The following MAML3 variants were observed in gnomAD, a reference collection of about 807,000 sequenced individuals.
MAML3 encodes the protein mastermind like transcriptional coactivator 3, also known as mastermind-like protein 3.
A neutral mutation model predicts 101.9 loss-of-function variants in MAML3; 27 were observed. The observed-to-expected ratio is 0.27, with a 90% CI of 0.20 to 0.37. The LOEUF is 0.37. Ranked by LOEUF, MAML3 falls within the 10% of genes least tolerant of loss-of-function variation. The probability of loss-of-function intolerance (pLI) is 1.00; values close to 1 mark genes in which losing one functional copy is unlikely to be tolerated. For synonymous variants in MAML3, 501 were observed against 555.9 expected, an observed-to-expected ratio of 0.90 and a Z score of 1.39; for missense variants, 1,316 against 1,444.9, an observed-to-expected ratio of 0.91 and a Z score of 1.45.
intron 2 of MAML3, among the ~76,000 whole-genome samples, chr4:139,759,255 T>A (rs982168440): frequency 6.6e-6 from 1 of 152,170 alleles, no homozygotes; most frequent in African/African-American, 2.4e-5. Flanking sequence ...GTCTGGTTAC[T>A]CCCCCAGGGA....
chr4:139,903,674 T>A (rs1276976436), intron 1 of MAML3, among the ~76,000 whole-genome samples: 1 of 152,244 alleles, frequency 6.6e-6, no homozygotes, highest in African/African-American at 2.4e-5. Flanking sequence ...CAATGTGATA[T>A]GACTGGTGTT....
At chr4:139,891,240 C>T (rs1003110089) in intron 1 of MAML3, among the ~76,000 whole-genome samples, 17 of 152,082 alleles carry the variant, frequency 1.1e-4, no homozygotes, top group African/African-American at 3.4e-4. Flanking sequence ...TTAATAAGGG[C>T]AATACTCTCA....
intron 1 of MAML3, among the ~76,000 whole-genome samples, chr4:139,925,259 T>A (rs1410855389): frequency 6.6e-6 from 1 of 152,224 alleles, no homozygotes; most frequent in Non-Finnish European, 1.5e-5. Context: ...AGATGGAGTC[T>A]CACTCTGTCG....
intron 1 of MAML3, among the ~76,000 whole-genome samples, chr4:140,090,699 G>A (rs1350854736): frequency 3.9e-5 from 6 of 152,180 alleles, no homozygotes; most frequent in South Asian, 2.1e-4. Flanking sequence ...ATTCATCTTC[G>A]TGGAGAGTCT....
chr4:139,793,230 G>C (rs1578603968), intron 2 of MAML3, among the ~76,000 whole-genome samples: 1 of 152,104 alleles, frequency 6.6e-6, no homozygotes, highest in South Asian at 2.1e-4. Flanking sequence ...AGGTTCATTG[G>C]AAAGAGCATC....
chr4:139,804,085 T>C (rs1730662647), intron 2 of MAML3, among the ~76,000 whole-genome samples: 1 of 152,146 alleles, frequency 6.6e-6, no homozygotes, highest in Admixed American at 6.5e-5. Context: ...CCCAAAGGTG[T>C]GTCTCCTCAG....
intron 1 of MAML3, among the ~76,000 whole-genome samples, chr4:140,128,865 A>G (rs865910290): frequency 2.0e-5 from 3 of 152,166 alleles, no homozygotes; most frequent in African/African-American, 7.2e-5. Context: ...CAGGGAGTAA[A>G]TGGAACAAGT....
chr4:140,151,174 G>A (rs1729158130), intron 1 of MAML3, among the ~76,000 whole-genome samples: 1 of 152,074 alleles, frequency 6.6e-6, no homozygotes, highest in Admixed American at 6.5e-5. Context: ...GAGGAAGAAG[G>A]CGGGCAAGAG....
intron 2 of MAML3, among the ~76,000 whole-genome samples, chr4:139,886,710 C>A (rs1365951633): frequency 6.6e-6 from 1 of 151,904 alleles, no homozygotes; most frequent in Admixed American, 6.6e-5. Flanking sequence ...TAAGTAACAC[C>A]ATGAGCATAA....
intron 1 of MAML3, among the ~76,000 whole-genome samples, chr4:139,977,670 C>T (rs1316238440): frequency 2.6e-5 from 4 of 151,956 alleles, no homozygotes; most frequent in East Asian, 1.9e-4. Context: ...GTCATGAGTT[C>T]GAGACCAGCC....
At chr4:139,740,926 T>G (rs1729145447) in intron 2 of MAML3, among the ~76,000 whole-genome samples, 1 of 152,190 alleles carries the variant, frequency 6.6e-6, no homozygotes, top group African/African-American at 2.4e-5. Context: ...GGTGTCCCCA[T>G]GTTCTTCCTT....
intron 1 of MAML3, among the ~76,000 whole-genome samples, chr4:140,019,415 C>T (rs1396270338): frequency 6.6e-6 from 1 of 152,100 alleles, no homozygotes; most frequent in Non-Finnish European, 1.5e-5. Flanking sequence ...ACTATTTATC[C>T]CCAGCGCTGA....
In MAML3 at chr4:139,717,447, T is replaced by G. The variant is rs1348304441; in HGVS notation, c.*1876A>C. ...GTGGCATCACTCCCCATTTGGGGAG[T>G]TCAGGGTCACCCTGCTGCCACCTCT... On this transcript the variant is annotated 3_prime_UTR_variant, in exon 5 of 5. Transcript: ENST00000509479. The G allele has an allele frequency of 6.6e-6, 1 of 152,128 alleles. No individual in the cohort carries two copies. The highest frequency in any genetic ancestry group is 1.5e-5 in the Non-Finnish European group (1 of 68,036). 9.4% of individuals were successfully genotyped at this position (152,128 alleles called of 1,614,324 possible).
chr4:139,752,834 A>C (rs1729544290), intron 2 of MAML3, among the ~76,000 whole-genome samples: 1 of 152,186 alleles, frequency 6.6e-6, no homozygotes, highest in Non-Finnish European at 1.5e-5. Flanking sequence ...CTACATTGAT[A>C]ACCATAGTTC....
chr4:140,076,813 G>A (rs192392081), intron 1 of MAML3, among the ~76,000 whole-genome samples: 2 of 152,212 alleles, frequency 1.3e-5, no homozygotes, highest in East Asian at 1.9e-4. Context: ...CAGACAGCTC[G>A]CGGGCAGACA....
intron 2 of MAML3, among the ~76,000 whole-genome samples, chr4:139,885,422 A>G (rs1732308254): frequency 1.3e-5 from 2 of 152,092 alleles, no homozygotes; most frequent in South Asian, 4.1e-4. Context: ...AGAAAGAAAG[A>G]AAGAATAAAT....
intron 1 of MAML3, among the ~76,000 whole-genome samples, chr4:140,102,190 T>C (rs934310657): frequency 1.3e-5 from 2 of 152,264 alleles, no homozygotes; most frequent in Admixed American, 6.5e-5. Context: ...ATTGAGGCAC[T>C]ATATTGATTA....
chr4:139,933,214 A>G (rs1733436760), intron 1 of MAML3, among the ~76,000 whole-genome samples: 1 of 152,202 alleles, frequency 6.6e-6, no homozygotes, highest in Non-Finnish European at 1.5e-5. Flanking sequence ...ATAGCCACAC[A>G]TGTAAGACAG....
At chr4:139,960,110 T>C (rs1483566044) in intron 1 of MAML3, among the ~76,000 whole-genome samples, 2 of 151,986 alleles carry the variant, frequency 1.3e-5, no homozygotes, top group African/African-American at 2.4e-5. Context: ...AAACCCTACA[T>C]TGGGGGAGGA....
Sources: gnomAD v4.1 joint callset for allele counts (sites outside exome capture counted in the v4.1 genomes callset) on GRCh38, gnomAD v4.1.1 for gene constraint, MANE v1.5 for transcripts, NCBI Gene and HGNC (gene_info 2026-07-23, HGNC 2026-07-21) for gene names.